KCNC2: variants seen among roughly 807,000 people sequenced by gnomAD.
KCNC2 encodes potassium voltage-gated channel subfamily C member 2, also known as voltage-gated potassium channel KCNC2.
KCNC2 carries 21 observed loss-of-function variants against 44.5 expected under a neutral mutation model. The ratio of observed to expected loss-of-function variants is 0.47; its 90% CI spans 0.33 to 0.68. The LOEUF (loss-of-function observed/expected upper bound fraction) is 0.68. Ranked by LOEUF, KCNC2 falls within the 30% of genes least tolerant of loss-of-function variation. KCNC2 has a pLI of 0.01. For missense variants in KCNC2, 589 were observed against 826.2 expected, an observed-to-expected ratio of 0.71 and a Z score of 3.52; for synonymous variants, 391 against 339.1, an observed-to-expected ratio of 1.15 and a Z score of -1.68.
chr12:75,097,107 A>G (rs563776154), intron 2 of KCNC2, among the ~76,000 whole-genome samples: 61 of 152,244 alleles, frequency 4.0e-4, no homozygotes, highest in Non-Finnish European at 6.5e-4. Flanking sequence ...AAAAAAATTA[A>G]AGGACCTTAA....
At chr12:75,198,075 C>T (rs1046592187) in intron 2 of KCNC2, among the ~76,000 whole-genome samples, 3 of 151,724 alleles carry the variant, frequency 2.0e-5, no homozygotes, top group Admixed American at 2.0e-4. Context: ...AAAGACAATC[C>T]TGCTTTTGCA....
intron 2 of KCNC2, among the ~76,000 whole-genome samples, chr12:75,184,360 A>G (rs1053309121): frequency 2.0e-5 from 3 of 152,198 alleles, no homozygotes; most frequent in Admixed American, 1.3e-4. Flanking sequence ...TTAATCATCT[A>G]GTTCAGAGTC....
At position 75,174,858 on chromosome 12, in the gene KCNC2, T is replaced by C. The variant is rs544303206; in HGVS notation, c.687+32439A>G. On this transcript the variant is annotated intron_variant, in intron 2 of 4. Transcript: ENST00000549446. ...TAACCATGGTTTTAACGCATGTGTT[T>C]ATCTGAGCAAACATCTATTTATCTG... Among the ~76,000 whole-genome samples, 292 of 152,084 alleles carry C rather than the reference T, an allele frequency of 1.9e-3. 3 individuals carry two copies. In the South Asian group the frequency reaches 0.029, roughly 15 times the overall value.
At chr12:75,151,941 C>CATTTATATATAATATATTATATATTATAA (rs1890426153) in intron 2 of KCNC2, among the ~76,000 whole-genome samples, 1 of 144,692 alleles carries the variant, frequency 6.9e-6, no homozygotes, top group African/African-American at 2.5e-5. Flanking sequence ...ATATATTATA[C>CATTTATATATAATATATTATATATTATAA]ATTTATATAT....
At chr12:75,140,385 C>T (rs1035005923) in intron 2 of KCNC2, among the ~76,000 whole-genome samples, 4 of 152,084 alleles carry the variant, frequency 2.6e-5, no homozygotes, top group Admixed American at 2.6e-4. Flanking sequence ...TTATTACAAT[C>T]TATCAAATGT....
At chr12:75,174,308 T>C (rs1287254443) in intron 2 of KCNC2, among the ~76,000 whole-genome samples, 1 of 151,880 alleles carries the variant, frequency 6.6e-6, no homozygotes. Context: ...TCGGAATTAT[T>C]GAATTTACTA....
chr12:75,139,902 G>A (rs565232820), intron 2 of KCNC2, among the ~76,000 whole-genome samples: 3 of 152,204 alleles, frequency 2.0e-5, no homozygotes, highest in South Asian at 4.2e-4. Context: ...TAAAACTGAG[G>A]CAACAATATC....
intron 2 of KCNC2, among the ~76,000 whole-genome samples, chr12:75,185,628 T>C (rs1303519744): frequency 6.6e-6 from 1 of 152,032 alleles, no homozygotes; most frequent in Non-Finnish European, 1.5e-5. Context: ...AAAAATTTTG[T>C]TCTCTACAAA....
At chr12:75,165,757 A>G (rs1891407988) in intron 2 of KCNC2, among the ~76,000 whole-genome samples, 1 of 151,618 alleles carries the variant, frequency 6.6e-6, no homozygotes, top group South Asian at 2.1e-4. Flanking sequence ...TAAATTGTAT[A>G]TAGATGTTGA....
intron 2 of KCNC2, among the ~76,000 whole-genome samples, chr12:75,052,395 G>T (rs1052423605): frequency 1.2e-4 from 18 of 152,148 alleles, no homozygotes; most frequent in African/African-American, 3.4e-4. Flanking sequence ...ATTTATGCTG[G>T]GATCACATAC....
At chr12:75,145,418 G>A (rs1286315849) in intron 2 of KCNC2, among the ~76,000 whole-genome samples, 1 of 151,352 alleles carries the variant, frequency 6.6e-6, no homozygotes, top group African/African-American at 2.4e-5. Context: ...TTACATGCTG[G>A]GTCTAAGCCA....
intron 2 of KCNC2, among the ~76,000 whole-genome samples, chr12:75,191,501 A>ATATTATTAT (rs63327760): frequency 2.1e-3 from 148 of 70,436 alleles, no homozygotes; most frequent in East Asian, 8.1e-3. Context: ...TTTGTTCTGA[A>ATATTATTAT]TATTATTATT....
At chr12:75,139,093 G>A (rs1371223191) in intron 2 of KCNC2, among the ~76,000 whole-genome samples, 2 of 150,634 alleles carry the variant, frequency 1.3e-5, no homozygotes, top group Non-Finnish European at 3.0e-5. Context: ...CCAAAGAATT[G>A]AAGGCATTCT....
chr12:75,088,084 T>C lies in KCNC2; in HGVS notation c.688-36767A>G, dbSNP rs576636603. The stretch of plus-strand genomic sequence containing the variant: ...TGGTCTATGAAACTCATTAGCTATA[T>C]AACATTCAGCAACATATTTACTCTC... On this transcript the variant is annotated intron_variant, in intron 2 of 4. Transcript: ENST00000549446. Among the ~76,000 whole-genome samples the C allele has an allele frequency of 3.6e-4, 55 of 152,144 alleles. 1 individual carries two copies. The South Asian group carries it at 8.5e-3, about 23-fold the overall frequency.
chr12:75,138,975 C>T (rs1372664032), intron 2 of KCNC2, among the ~76,000 whole-genome samples: 1 of 75,144 alleles, frequency 1.3e-5, no homozygotes, highest in African/African-American at 9.2e-5. Flanking sequence ...AGCGAGACTC[C>T]GTGTAAAAAA....
Position 75,041,096 on chromosome 12 carries a change from A to T in KCNC2, c.*2009T>A, listed in dbSNP as rs200282154. Reference sequence around the variant, plus strand: ...TCTCTTCCAAGTGCAACCTGGTCACATCAGGGCACATTCAGCAGCAGAAGT... The same window carrying T: ...TCTCTTCCAAGTGCAACCTGGTCACTTCAGGGCACATTCAGCAGCAGAAGT... On this transcript the variant is annotated 3_prime_UTR_variant, in exon 5 of 5. Transcript: ENST00000549446. The T allele has an allele frequency of 7.4e-5, 118 of 1,595,790 alleles. No individual in the cohort carries two copies. Among genetic ancestry groups the T allele is most frequent in the Non-Finnish European group, 9.0e-5 (106 of 1,178,076 alleles).
At position 75,051,143 on chromosome 12, in the gene KCNC2, C is replaced by T. The variant is rs771236732; in HGVS notation, c.862G>A (p.Val288Met). The T allele has an allele frequency of 6.2e-7, 1 of 1,613,954 alleles. No individual in the cohort carries two copies. Among genetic ancestry groups the T allele is most frequent in the Non-Finnish European group, 8.5e-7 (1 of 1,179,870 alleles). Residue 288 changes from valine (V) to methionine (M), a missense_variant, in exon 3 of 5, where the codon GTG (valine) becomes ATG (methionine). Physicochemically the swap from Val to Met is conservative, Grantham distance 21. This residue lies in a region of KCNC2 where 40 missense variants were observed against 40.6 expected (regional missense o/e 0.99). Coordinates refer to ENST00000549446, the MANE Select transcript of KCNC2 (RefSeq NM_139137.4). The part of the protein sequence containing the change: ...TDPALTYVEG[V>M]CVVWFTFEFL... ...TCAAAAGTAAACCACACCACACACA[C>T]TCCTTCTACATACGTCAAGGCAGGA...
At chr12:75,084,297 TAG>T (rs1555207747) in intron 2 of KCNC2, among the ~76,000 whole-genome samples, 3 of 148,084 alleles carry the variant, frequency 2.0e-5, no homozygotes, top group African/African-American at 7.7e-5. Flanking sequence ...AGATGATAGA[TAG>T]ATAGATAGAT....
At chr12:75,206,233 G>C (rs537246513) in intron 2 of KCNC2, among the ~76,000 whole-genome samples, 1 of 152,258 alleles carries the variant, frequency 6.6e-6, no homozygotes, top group East Asian at 1.9e-4. Context: ...TGTCTTTTCT[G>C]GGTGTCGGAA....
Sources: gnomAD v4.1 joint callset for allele counts (sites outside exome capture counted in the v4.1 genomes callset) on GRCh38, gnomAD v4.1.1 for gene constraint, gnomAD v4.1.1 regional missense constraint, MANE v1.5 for transcripts, NCBI Gene and HGNC (gene_info 2026-07-23, HGNC 2026-07-21) for gene names.